ARHGAP32: variants seen among roughly 807,000 people sequenced by gnomAD.
ARHGAP32 encodes the protein rho GTPase-activating protein 32.
A neutral mutation model predicts 186.5 loss-of-function variants in ARHGAP32; 51 were observed. That is an observed-to-expected ratio of 0.27 (90% CI 0.22 to 0.35). The LOEUF (loss-of-function observed/expected upper bound fraction) is 0.35. Ranked by LOEUF, ARHGAP32 falls within the 10% of genes least tolerant of loss-of-function variation. The pLI is 1.00. For missense variants in ARHGAP32, 2,186 were observed against 2,623.5 expected (o/e 0.83, Z 3.64); for synonymous variants, 950 against 964.3 (o/e 0.99, Z 0.27).
intron 1 of ARHGAP32, among the ~76,000 whole-genome samples, chr11:129,258,865 A>G (rs1945288201): frequency 1.3e-5 from 2 of 152,184 alleles, no homozygotes; most frequent in Non-Finnish European, 2.9e-5. Context: ...TTTTCTTATT[A>G]TAACTACTGT....
intron 1 of ARHGAP32, among the ~76,000 whole-genome samples, chr11:129,251,908 C>A (rs1945190949): frequency 7.0e-6 from 1 of 143,162 alleles, no homozygotes; most frequent in Non-Finnish European, 1.5e-5. Context: ...GCACTCCAGC[C>A]TAGTGACAGA....
At chr11:129,049,333 C>T (rs74595294) in intron 10 of ARHGAP32, among the ~76,000 whole-genome samples, 27 of 152,284 alleles carry the variant, frequency 1.8e-4, no homozygotes, top group African/African-American at 6.0e-4. Flanking sequence ...GGATTGGATG[C>T]ATGAACAACA....
At chr11:129,210,789 A>C (rs1944569972) in intron 1 of ARHGAP32, among the ~76,000 whole-genome samples, 1 of 152,192 alleles carries the variant, frequency 6.6e-6, no homozygotes, top group African/African-American at 2.4e-5. Context: ...AAAGTGAATT[A>C]GTTCATATAA....
At chr11:129,198,923 T>C (rs201132014) in intron 1 of ARHGAP32, among the ~76,000 whole-genome samples, 7 of 152,162 alleles carry the variant, frequency 4.6e-5, no homozygotes, top group Non-Finnish European at 1.0e-4. Flanking sequence ...GATAATGACA[T>C]GGACAATGAA....
chr11:129,092,280 A>T (rs1941600934), intron 6 of ARHGAP32, among the ~76,000 whole-genome samples: 2 of 151,956 alleles, frequency 1.3e-5, no homozygotes, highest in African/African-American at 4.8e-5. Flanking sequence ...GAAAAAGAAC[A>T]TTTGCATTCT....
At chr11:128,988,992 A>T (rs1419256161) in intron 12 of ARHGAP32, among the ~76,000 whole-genome samples, 4 of 152,232 alleles carry the variant, frequency 2.6e-5, no homozygotes, top group Non-Finnish European at 5.9e-5. Flanking sequence ...AATCCTTGAA[A>T]AGAAATGCTT....
At chr11:129,102,379 A>G (rs1356362717) in intron 5 of ARHGAP32, among the ~76,000 whole-genome samples, 2 of 152,198 alleles carry the variant, frequency 1.3e-5, no homozygotes, top group East Asian at 1.9e-4. Flanking sequence ...AATGGGCTAA[A>G]TACCCCAATT....
intron 2 of ARHGAP32, among the ~76,000 whole-genome samples, chr11:129,132,531 G>C (rs1942835710): frequency 6.7e-6 from 1 of 150,242 alleles, no homozygotes. Flanking sequence ...AAACTGAACT[G>C]ATGTTGAAAA....
chr11:129,072,618 G>A (rs866947204), intron 6 of ARHGAP32, among the ~76,000 whole-genome samples: 2 of 152,124 alleles, frequency 1.3e-5, no homozygotes, highest in East Asian at 1.9e-4. Context: ...AAATCCACAC[G>A]CAGAAACCTC....
intron 5 of ARHGAP32, among the ~76,000 whole-genome samples, chr11:129,116,991 CCA>C (rs1179344137): frequency 1.3e-5 from 2 of 151,862 alleles, no homozygotes; most frequent in Non-Finnish European, 2.9e-5. Context: ...AAACTGACGA[CCA>C]GAGACATTAA....
chr11:129,016,386 T>C (rs477070), intron 11 of ARHGAP32, among the ~76,000 whole-genome samples: 21,084 of 152,236 alleles, frequency 0.14, 1,557 homozygotes, highest in Middle Eastern at 0.17. Flanking sequence ...ATTTTCCTTA[T>C]AAGTCATAAA....
At chr11:129,168,322 T>C (rs769405968) in intron 1 of ARHGAP32, among the ~76,000 whole-genome samples, 2 of 151,986 alleles carry the variant, frequency 1.3e-5, no homozygotes, top group African/African-American at 4.8e-5. Flanking sequence ...AATGGAAGGA[T>C]TACAAAAACT....
Position 129,031,207 on chromosome 11 carries a change from T to C in ARHGAP32, c.1045+9721A>G, listed in dbSNP as rs1939099359. On this transcript the variant is annotated intron_variant, in intron 11 of 22. Transcript: ENST00000682385. The stretch of plus-strand genomic sequence containing the variant: ...ATCTTAAATAAGTATCTATATAAAT[T>C]AAATATAGTTTCTGATACTCATGAA... Among the ~76,000 whole-genome samples the C allele has an allele frequency of 2.0e-5, 3 of 152,194 alleles. No homozygotes were observed. The South Asian group carries it at 6.2e-4, about 31-fold the overall frequency.
chr11:129,015,445 G>A (rs542270030), intron 11 of ARHGAP32, among the ~76,000 whole-genome samples: 1 of 152,206 alleles, frequency 6.6e-6, no homozygotes, highest in Non-Finnish European at 1.5e-5. Context: ...TCATCATGCA[G>A]GTTTTTCAAA....
chr11:129,018,047 A>T (rs1231295468), intron 11 of ARHGAP32, among the ~76,000 whole-genome samples: 2 of 151,798 alleles, frequency 1.3e-5, no homozygotes, highest in Admixed American at 6.6e-5. Flanking sequence ...TTATTTATTT[A>T]TTTATTACTA....
chr11:129,072,041 T>C (rs981840290), intron 6 of ARHGAP32, among the ~76,000 whole-genome samples: 3 of 152,090 alleles, frequency 2.0e-5, no homozygotes, highest in African/African-American at 4.8e-5. Context: ...GTGATTAACA[T>C]GAGCTGAGGA....
intron 6 of ARHGAP32, among the ~76,000 whole-genome samples, chr11:129,074,788 G>A (rs1458307791): frequency 2.0e-5 from 3 of 151,832 alleles, no homozygotes; most frequent in Admixed American, 6.6e-5. Flanking sequence ...CACCACACCC[G>A]GCCTAAAAAA....
intron 2 of ARHGAP32, chr11:129,125,865 A>G: frequency 2.3e-6 from 1 of 441,658 alleles, no homozygotes; most frequent in Non-Finnish European, 4.5e-6. Flanking sequence ...CTTCTTAGAT[A>G]TATTTTTACT....
intron 11 of ARHGAP32, among the ~76,000 whole-genome samples, chr11:129,029,600 G>A (rs1225767912): frequency 2.6e-5 from 4 of 151,990 alleles, no homozygotes; most frequent in African/African-American, 9.7e-5. Context: ...TCAGGAGATC[G>A]AGACCATCCT....
Sources: gnomAD v4.1 joint callset for allele counts (sites outside exome capture counted in the v4.1 genomes callset) on GRCh38, gnomAD v4.1.1 for gene constraint, MANE v1.5 for transcripts, NCBI Gene and HGNC (gene_info 2026-07-23, HGNC 2026-07-21) for gene names.